RAB28: variants seen among roughly 807,000 people sequenced by gnomAD.
RAB28 encodes ras-related protein Rab-28.
In RAB28, 24 loss-of-function variants were observed where a neutral mutation model predicts 31.7. The ratio of observed to expected loss-of-function variants is 0.76; its 90% CI spans 0.55 to 1.06. The LOEUF (loss-of-function observed/expected upper bound fraction) is 1.06. Among genes scored for constraint, RAB28 ranks in the 50% least tolerant of loss-of-function variants. RAB28 has a pLI of 0.00. For missense variants in RAB28, 254 were observed against 258.5 expected, an observed-to-expected ratio of 0.98 and a Z score of 0.12; for synonymous variants, 100 against 90.4, an observed-to-expected ratio of 1.11 and a Z score of -0.60.
intron 5 of RAB28, among the ~76,000 whole-genome samples, chr4:13,378,643 T>G (rs1296931598): frequency 4.6e-5 from 7 of 152,138 alleles, no homozygotes; most frequent in East Asian, 1.9e-4. Flanking sequence ...GAGAGAGAAC[T>G]GCTAAAGCAA....
In RAB28 at chr4:13,430,077, G is replaced by A. The variant is rs144363616; in HGVS notation, c.391+30622C>T. ...TTGACAAGAATGTGAAGACCACTCC[G>A]TGGGAAAAGCATAGTCATTTCCACA... On this transcript the variant is annotated intron_variant, in intron 4 of 6. Transcript: ENST00000330852. Among the ~76,000 whole-genome samples, 721 of 152,184 alleles carry A rather than the reference G, an allele frequency of 4.7e-3. 5 individuals carry two copies. The highest frequency in any genetic ancestry group is 0.016 in the African/African-American group (676 of 41,536).
At chr4:13,383,761 C>A (rs1381626260) in intron 4 of RAB28, among the ~76,000 whole-genome samples, 1 of 152,156 alleles carries the variant, frequency 6.6e-6, no homozygotes. Context: ...AGGGCAGTTC[C>A]CCTGCACATG....
intron 3 of RAB28, among the ~76,000 whole-genome samples, chr4:13,468,523 CA>C (rs562976251): frequency 1.2e-4 from 17 of 143,910 alleles, no homozygotes; most frequent in East Asian, 4.1e-4. Context: ...TAGTTTGAAC[CA>C]AAAAAAAAAC....
At chr4:13,403,630 T>C (rs1577178629) in intron 4 of RAB28, among the ~76,000 whole-genome samples, 1 of 152,238 alleles carries the variant, frequency 6.6e-6, no homozygotes, top group Non-Finnish European at 1.5e-5. Context: ...TTCAGTATTA[T>C]GTATGCTATA....
At chr4:13,404,719 T>C (rs1043698640) in intron 4 of RAB28, among the ~76,000 whole-genome samples, 3 of 152,122 alleles carry the variant, frequency 2.0e-5, no homozygotes, top group African/African-American at 7.2e-5. Flanking sequence ...TAAATGGCAG[T>C]GGTAGGGAGG....
intron 4 of RAB28, among the ~76,000 whole-genome samples, chr4:13,429,985 C>T (rs1281821338): frequency 6.6e-6 from 1 of 152,030 alleles, no homozygotes; most frequent in East Asian, 1.9e-4. Context: ...TAAGGACAGA[C>T]ATATAGGTCA....
intron 4 of RAB28, among the ~76,000 whole-genome samples, chr4:13,452,974 A>T (rs971306520): frequency 1.3e-5 from 2 of 150,608 alleles, no homozygotes; most frequent in African/African-American, 5.0e-5. Context: ...GTATATATTT[A>T]CAATTGTTAT....
chr4:13,416,657 T>C (rs1712799052), intron 4 of RAB28, among the ~76,000 whole-genome samples: 1 of 152,202 alleles, frequency 6.6e-6, no homozygotes, highest in African/African-American at 2.4e-5. Context: ...GGATGAAGAC[T>C]GAATGCAAAC....
At chr4:13,394,048 G>A (rs900752460) in intron 4 of RAB28, among the ~76,000 whole-genome samples, 21 of 152,178 alleles carry the variant, frequency 1.4e-4, no homozygotes, top group African/African-American at 4.8e-4. Context: ...AAGTGAGCAT[G>A]TAAATAAATG....
chr4:13,382,639 T>A (rs1317316716), intron 4 of RAB28, among the ~76,000 whole-genome samples: 1 of 151,640 alleles, frequency 6.6e-6, no homozygotes, highest in East Asian at 1.9e-4. Flanking sequence ...TTTTTTTTAA[T>A]CTAATGGGGT....
At chr4:13,410,998 T>A (rs1712412059) in intron 4 of RAB28, among the ~76,000 whole-genome samples, 1 of 151,946 alleles carries the variant, frequency 6.6e-6, no homozygotes, top group South Asian at 2.1e-4. Flanking sequence ...ATAAAAGCCA[T>A]CCAGATACCA....
At chr4:13,398,760 A>G (rs1167126035) in intron 4 of RAB28, among the ~76,000 whole-genome samples, 4 of 150,972 alleles carry the variant, frequency 2.6e-5, no homozygotes, top group Non-Finnish European at 5.9e-5. Flanking sequence ...CCTGGGTGAC[A>G]GAGCAAGACT....
intron 4 of RAB28, among the ~76,000 whole-genome samples, chr4:13,445,154 C>T (rs1714630482): frequency 6.6e-6 from 1 of 151,756 alleles, no homozygotes; most frequent in African/African-American, 2.4e-5. Context: ...ATCCTTTCTT[C>T]TGCTTGATCG....
intron 4 of RAB28, among the ~76,000 whole-genome samples, chr4:13,422,836 C>G (rs919396786): frequency 6.6e-6 from 1 of 151,418 alleles, no homozygotes; most frequent in Non-Finnish European, 1.5e-5. Context: ...CAACATGGCA[C>G]ATGTACACCT....
intron 6 of RAB28, among the ~76,000 whole-genome samples, chr4:13,375,922 T>C (rs996098476): frequency 2.0e-5 from 3 of 152,046 alleles, no homozygotes; most frequent in Non-Finnish European, 4.4e-5. Context: ...GTGGAAGAAA[T>C]TGAGCAAAAA....
intron 4 of RAB28, among the ~76,000 whole-genome samples, chr4:13,438,934 C>A (rs1454966757): frequency 6.6e-6 from 1 of 152,118 alleles, no homozygotes; most frequent in African/African-American, 2.4e-5. Context: ...GCCTCACCAG[C>A]ACTTGTTATT....
At position 13,376,523 on chromosome 4, in the gene RAB28, A is replaced by G. The variant is rs1460758177; in HGVS notation, c.573+22T>C. 3 of 1,545,614 alleles carry G rather than the reference A, an allele frequency of 1.9e-6. No homozygotes were observed. In the East Asian group the frequency reaches 6.8e-5, roughly 35 times the overall value. On this transcript the variant is annotated intron_variant, in intron 6 of 6. Coordinates refer to ENST00000330852, the MANE Select transcript of RAB28 (RefSeq NM_001017979.3). ...TGTAAGAAATTCATTAATTTTTTAAATATAAAGTTCAAGGTAATCACCTGT... is the reference window on the plus strand; with the variant it reads ...TGTAAGAAATTCATTAATTTTTTAAGTATAAAGTTCAAGGTAATCACCTGT...
intron 4 of RAB28, among the ~76,000 whole-genome samples, chr4:13,418,191 G>A (rs367730423): frequency 6.6e-6 from 1 of 152,196 alleles, no homozygotes; most frequent in African/African-American, 2.4e-5. Context: ...AGCAAGAGGA[G>A]AAATTAAGAG....
intron 4 of RAB28, among the ~76,000 whole-genome samples, chr4:13,396,548 T>G (rs1729880495): frequency 6.6e-6 from 1 of 152,116 alleles, no homozygotes; most frequent in Non-Finnish European, 1.5e-5. Context: ...ATTTTGACTC[T>G]GTAGATTCTT....
Sources: gnomAD v4.1 joint callset for allele counts (sites outside exome capture counted in the v4.1 genomes callset) on GRCh38, gnomAD v4.1.1 for gene constraint, MANE v1.5 for transcripts, NCBI Gene and HGNC (gene_info 2026-07-23, HGNC 2026-07-21) for gene names.